Variants in RFX6 observed in about 807,000 individuals in gnomAD.
RFX6 encodes the protein regulatory factor X6, also known as DNA-binding protein RFX6.
RFX6 carries 50 observed loss-of-function variants against 110.8 expected under a neutral mutation model. The observed-to-expected ratio is 0.45, with a 90% CI of 0.36 to 0.57. The LOEUF (loss-of-function observed/expected upper bound fraction) is 0.57. Ranked by LOEUF, RFX6 falls within the 20% of genes least tolerant of loss-of-function variation. RFX6 has a pLI of 0.00. For synonymous variants in RFX6, 383 were observed against 411.2 expected, an observed-to-expected ratio of 0.93 and a Z score of 0.83; for missense variants, 990 against 1,127.0, an observed-to-expected ratio of 0.88 and a Z score of 1.74.
chr6:116,907,178 T>G (rs11756449), intron 6 of RFX6, among the ~76,000 whole-genome samples: 54,830 of 151,888 alleles, frequency 0.36, 10,926 homozygotes, highest in East Asian at 0.52. Context: ...TTTTATATAT[T>G]GAACCATCCT....
At chr6:116,924,523 AC>A in intron 14 of RFX6, 145 bp from the exon 15 acceptor site, 2 of 765,446 alleles carry the variant, frequency 2.6e-6, no homozygotes, top group South Asian at 3.0e-5. Flanking sequence ...TTAAAGTCCA[AC>A]AAGTATTTGT....
At chr6:116,911,065 T>C in intron 7 of RFX6, 23 bp downstream of exon 7, 1 of 1,470,418 alleles carries the variant, frequency 6.8e-7, no homozygotes, top group African/African-American at 1.4e-5. Flanking sequence ...GATACTTCTC[T>C]ATTGATTTTC....
At chr6:116,891,706 A>G (rs1774834371) in intron 4 of RFX6, among the ~76,000 whole-genome samples, 1 of 152,220 alleles carries the variant, frequency 6.6e-6, no homozygotes, top group Non-Finnish European at 1.5e-5. Flanking sequence ...ATATGTGACT[A>G]TCATCTAAAT....
chr6:116,917,541 C>A (rs2114694558), intron 9 of RFX6, among the ~76,000 whole-genome samples: 1 of 152,218 alleles, frequency 6.6e-6, no homozygotes, highest in Non-Finnish European at 1.5e-5. Context: ...GACTGTCATT[C>A]AGTTTGTCCA....
chr6:116,908,699 C>T (rs1020307951), intron 6 of RFX6, among the ~76,000 whole-genome samples: 53 of 151,052 alleles, frequency 3.5e-4, no homozygotes, highest in Non-Finnish European at 6.8e-4. Flanking sequence ...GACACACACA[C>T]ACACACACAC....
intron 10 of RFX6, 62 bp from the exon 11 acceptor site, chr6:116,919,075 A>G: frequency 6.9e-7 from 1 of 1,455,554 alleles, no homozygotes; most frequent in Non-Finnish European, 9.6e-7. Context: ...ACCTCAATTA[A>G]AATATGATTG....
rs535297853 is a variant in RFX6 at position 116,928,922 on chromosome 6, G to A, written c.2562G>A (p.Ser854=). 1.2e-5 allele frequency: 19 copies of A among 1,613,714 alleles called. No individual in the cohort carries two copies. The highest frequency in any genetic ancestry group is 5.5e-5 in the South Asian group (5 of 91,074). ...ACAGTGGTAGAAAACAGACCAGCTCGTTTTACACAGACACATCATCTCCAG... is the reference window on the plus strand; with the variant it reads ...ACAGTGGTAGAAAACAGACCAGCTCATTTTACACAGACACATCATCTCCAG... The part of the protein sequence containing the change: ...LDDSGRKQTS[S]FYTDTSSPVA... Residue 854 remains serine, a synonymous_variant, in exon 18 of 19, where the codon TCG becomes TCA. Transcript: ENST00000332958.
intron 11 of RFX6, 91 bp from the exon 12 acceptor site, chr6:116,920,219 C>T (rs1582533523): frequency 2.0e-6 from 2 of 977,954 alleles, no homozygotes; most frequent in Non-Finnish European, 3.3e-6. Flanking sequence ...ATACTTTTAT[C>T]TCAAGGAACT....
intron 18 of RFX6, among the ~76,000 whole-genome samples, chr6:116,929,588 T>C (rs1312324790): frequency 6.6e-6 from 1 of 152,218 alleles, no homozygotes; most frequent in Non-Finnish European, 1.5e-5. Context: ...CCAACCAGGT[T>C]ACATTTCTTA....
chr6:116,916,202 T>C lies in RFX6; in HGVS notation c.860T>C (p.Ile287Thr). Residue 287 changes from isoleucine to threonine, a missense_variant and splice_region_variant, in exon 9 of 19, where the codon ATC (isoleucine) becomes ACC (threonine). Coordinates refer to ENST00000332958, the MANE Select transcript of RFX6 (RefSeq NM_173560.4). ...DNAINGNFEE[I>T]QHFLLHFWQG... ...ACATACTTTTTACTCTGCAACTAGA[T>C]CCAGCATTTTTTATTACACTTTTGG... 1 of 1,610,468 alleles carries C rather than the reference T, an allele frequency of 6.2e-7. No homozygotes were observed. The highest frequency in any genetic ancestry group is 8.5e-7 in the Non-Finnish European group (1 of 1,176,954).
At chr6:116,880,727 T>C in intron 3 of RFX6, 60 bp downstream of exon 3, 1 of 1,563,836 alleles carries the variant, frequency 6.4e-7, no homozygotes, top group Non-Finnish European at 8.8e-7. Context: ...GCAGATAGCA[T>C]GAAAATGAAT....
chr6:116,877,396 C>A lies in RFX6; in HGVS notation c.121C>A (p.Pro41Thr). 1 of 1,608,008 alleles carries A rather than the reference C, an allele frequency of 6.2e-7. No homozygotes were observed. The highest frequency in any genetic ancestry group is 8.5e-7 in the Non-Finnish European group (1 of 1,177,354). Residue 41 changes from proline (P) to threonine (T), a missense_variant, in exon 1 of 19, where the codon CCG (proline) becomes ACG (threonine). This residue lies in a region of RFX6 where 175 missense variants were observed against 162.3 expected (regional missense o/e 1.08). Transcript: ENST00000332958. ...CCTGGGCAAGGGCTTGCTAGTCTAT[C>A]CGGAAGAAACAGTGTACCTGGCGGC... is the stretch of plus-strand genomic sequence containing the variant. ...QLLGKGLLVY[P>T]EETVYLAAEG... is the part of the protein sequence containing the mutation.
At chr6:116,903,476 A>T (rs1429577999) in intron 6 of RFX6, among the ~76,000 whole-genome samples, 1 of 151,962 alleles carries the variant, frequency 6.6e-6, no homozygotes, top group Non-Finnish European at 1.5e-5. Context: ...TAGAATTTTT[A>T]AAATAATCAT....
At chr6:116,929,544 G>T (rs11965548) in intron 18 of RFX6, among the ~76,000 whole-genome samples, 1 of 152,104 alleles carries the variant, frequency 6.6e-6, no homozygotes, top group Non-Finnish European at 1.5e-5. Flanking sequence ...TAAGAAAAAC[G>T]TGTGCTTGCC....
chr6:116,926,758 T>G (rs767317142), intron 16 of RFX6, among the ~76,000 whole-genome samples: 17 of 152,182 alleles, frequency 1.1e-4, no homozygotes, highest in Non-Finnish European at 2.4e-4. Flanking sequence ...GTCCTCCCCA[T>G]GCTACCTGTG....
intron 15 of RFX6, 76 bp downstream of exon 15, chr6:116,924,867 A>C (rs1395734328): frequency 1.0e-5 from 11 of 1,058,210 alleles, no homozygotes; most frequent in Non-Finnish European, 1.6e-5. Flanking sequence ...AAGTTCAGAT[A>C]TTAAGTGGGT....
chr6:116,903,946 C>T (rs990930390), intron 6 of RFX6, among the ~76,000 whole-genome samples: 2 of 151,892 alleles, frequency 1.3e-5, no homozygotes, highest in Admixed American at 1.3e-4. Context: ...CCAAGATATA[C>T]TCATCTTTAA....
intron 12 of RFX6, among the ~76,000 whole-genome samples, chr6:116,921,664 T>A (rs1351199185): frequency 6.6e-6 from 1 of 151,646 alleles, no homozygotes; most frequent in Non-Finnish European, 1.5e-5. Context: ...AATTTTTTTT[T>A]TTTTTTAATT....
chr6:116,920,509 T>C, intron 12 of RFX6, 55 bp downstream of exon 12: 1 of 1,478,648 alleles, frequency 6.8e-7, no homozygotes. Context: ...AAAATTGACA[T>C]CTTGAGCTGG....
Sources: gnomAD v4.1 joint callset for allele counts (sites outside exome capture counted in the v4.1 genomes callset) on GRCh38, gnomAD v4.1.1 for gene constraint, gnomAD v4.1.1 regional missense constraint, MANE v1.5 for transcripts, NCBI Gene and HGNC (gene_info 2026-07-23, HGNC 2026-07-21) for gene names.